Variants in CLYBL observed in about 807,000 individuals in gnomAD.
The protein encoded by CLYBL is citramalyl-CoA lyase, also known as citramalyl-CoA lyase, mitochondrial.
Under a neutral mutation model 38.9 loss-of-function variants are expected in CLYBL, and 31 were observed. The ratio of observed to expected loss-of-function variants is 0.80; its 90% CI spans 0.60 to 1.08. The LOEUF (loss-of-function observed/expected upper bound fraction) is 1.08. Ranked by LOEUF, CLYBL falls within the 50% of genes least tolerant of loss-of-function variation. The pLI, the probability that CLYBL is intolerant of heterozygous loss-of-function variation, is 0.00. For missense variants in CLYBL, 434 were observed against 411.6 expected, an observed-to-expected ratio of 1.05 and a Z score of -0.47; for synonymous variants, 171 against 158.6, an observed-to-expected ratio of 1.08 and a Z score of -0.59.
At chr13:99,797,730 C>T (rs2050052733) in intron 2 of CLYBL, among the ~76,000 whole-genome samples, 2 of 152,172 alleles carry the variant, frequency 1.3e-5, no homozygotes, top group Non-Finnish European at 2.9e-5. Flanking sequence ...GCCTGTGCAA[C>T]TTGCAAACAC....
chr13:99,749,695 C>T (rs2139631081), intron 1 of CLYBL, among the ~76,000 whole-genome samples: 2 of 152,304 alleles, frequency 1.3e-5, no homozygotes, highest in Non-Finnish European at 2.9e-5. Context: ...TCTTCTCGGC[C>T]TTCCTGAAGC....
intron 2 of CLYBL, among the ~76,000 whole-genome samples, chr13:99,805,455 G>A (rs1035213361): frequency 3.3e-5 from 5 of 151,934 alleles, no homozygotes; most frequent in Non-Finnish European, 5.9e-5. Context: ...TGGAAGTCAC[G>A]GATAAAAACA....
chr13:99,638,431 T>C (rs2047052344), intron 1 of CLYBL, among the ~76,000 whole-genome samples: 1 of 152,250 alleles, frequency 6.6e-6, no homozygotes, highest in South Asian at 2.1e-4. Context: ...ACACACAATA[T>C]ATGTGTGCCT....
chr13:99,661,502 T>C (rs1211666821), intron 1 of CLYBL, among the ~76,000 whole-genome samples: 1 of 152,230 alleles, frequency 6.6e-6, no homozygotes, highest in Non-Finnish European at 1.5e-5. Flanking sequence ...TAAACCTGTA[T>C]ATTTATTTTT....
At chr13:99,813,265 A>C (rs1566337492) in intron 2 of CLYBL, among the ~76,000 whole-genome samples, 1 of 152,222 alleles carries the variant, frequency 6.6e-6, no homozygotes, top group Non-Finnish European at 1.5e-5. Context: ...GAATGCAAAC[A>C]TGAGTATCTA....
chr13:99,676,186 GTCCTTCCTTCCTTCCTTCCT>G (rs35403713), intron 1 of CLYBL, among the ~76,000 whole-genome samples: 2,942 of 133,070 alleles, frequency 0.022, 55 homozygotes, highest in Middle Eastern at 0.095. Context: ...CCCTCCGTCC[GTCCTTCCTTCCTTCCTTCCT>G]TCCTTCCTTC....
chr13:99,839,340 C>CACTT (rs1226387323), intron 2 of CLYBL, among the ~76,000 whole-genome samples: 1 of 152,220 alleles, frequency 6.6e-6, no homozygotes, highest in Non-Finnish European at 1.5e-5. Context: ...ATACGGACCA[C>CACTT]ACTTACATAT....
At chr13:99,741,707 C>A (rs1015379393) in intron 1 of CLYBL, among the ~76,000 whole-genome samples, 2 of 152,184 alleles carry the variant, frequency 1.3e-5, no homozygotes, top group Admixed American at 1.3e-4. Flanking sequence ...GAACTCCTGA[C>A]CTCAGGTGAT....
downstream of CLYBL, among the ~76,000 whole-genome samples, chr13:99,899,409 C>T (rs1272761253): frequency 6.6e-6 from 1 of 152,108 alleles, no homozygotes; most frequent in Admixed American, 6.5e-5. Context: ...CATCTTGCAC[C>T]GTAGACTCTG....
chr13:99,891,700 G>T, intron 8 of CLYBL: 1 of 295,590 alleles, frequency 3.4e-6, no homozygotes, highest in Non-Finnish European at 6.3e-6. Flanking sequence ...GGAAAGATGG[G>T]CTGTGAGGCG....
At chr13:99,871,268 C>T (rs2051888656) in intron 7 of CLYBL, among the ~76,000 whole-genome samples, 1 of 152,136 alleles carries the variant, frequency 6.6e-6, no homozygotes, top group Non-Finnish European at 1.5e-5. Flanking sequence ...CTAACTGGCT[C>T]TCAAGTCCCT....
At chr13:99,824,257 G>GCACCCCCC (rs66867477) in intron 2 of CLYBL, among the ~76,000 whole-genome samples, 1 of 130,414 alleles carries the variant, frequency 7.7e-6, no homozygotes, top group African/African-American at 2.9e-5. Context: ...CTGACTAATA[G>GCACCCCCC]CCCCCCCCAC....
Position 99,606,700 on chromosome 13 carries a change from C to T in CLYBL, c.5C>T (p.Ala2Val), listed in dbSNP as rs756685660. The change falls in exon 1 of 9, where the codon GCG becomes GTG. Residue 2 changes from alanine (A) to valine (V), a missense_variant. Ala to Val is a moderately conservative substitution (Grantham distance 64). Coordinates refer to ENST00000339105, the MANE Select transcript of CLYBL (RefSeq NM_206808.5). ...CGGGGCGCGCGCGTCGGGAAGATGG[C>T]GCTACGTCTGCTGCGGAGGGCGGCG... M[A>V]LRLLRRAARG... 6 of 1,490,304 alleles carry T rather than the reference C, an allele frequency of 4.0e-6. No homozygotes were observed. The highest frequency in any genetic ancestry group is 4.4e-5 in the Admixed American group (2 of 45,778). 92.3% of individuals were successfully genotyped at this position (1,490,304 alleles called of 1,614,324 possible). A position where few individuals can be genotyped will look rare whatever the true frequency, so the allele number is the denominator to read the frequency against.
intron 1 of CLYBL, among the ~76,000 whole-genome samples, chr13:99,666,377 C>G (rs1168072993): frequency 6.6e-6 from 1 of 152,160 alleles, no homozygotes; most frequent in Admixed American, 6.5e-5. Context: ...ATGGGGATGA[C>G]TCGGTGGGTG....
intron 1 of CLYBL, among the ~76,000 whole-genome samples, chr13:99,712,875 G>T (rs937864326): frequency 1.3e-5 from 2 of 151,938 alleles, no homozygotes; most frequent in African/African-American, 4.8e-5. Flanking sequence ...TTTGTACTCT[G>T]TATTTCCAGT....
chr13:99,706,962 C>G (rs2048156100), intron 1 of CLYBL, among the ~76,000 whole-genome samples: 1 of 152,122 alleles, frequency 6.6e-6, no homozygotes, highest in Non-Finnish European at 1.5e-5. Context: ...TGCCACCAAG[C>G]CCAGCGAATT....
intron 2 of CLYBL, among the ~76,000 whole-genome samples, chr13:99,850,477 G>A (rs2051305578): frequency 6.6e-6 from 1 of 152,192 alleles, no homozygotes; most frequent in Non-Finnish European, 1.5e-5. Context: ...ACACCACTAG[G>A]ATGGCTGTGA....
At chr13:99,774,101 C>T (rs919427743) in intron 2 of CLYBL, among the ~76,000 whole-genome samples, 1 of 151,712 alleles carries the variant, frequency 6.6e-6, no homozygotes, top group Admixed American at 6.6e-5. Context: ...GGTGTGGCGG[C>T]GTGTACCTGT....
intron 7 of CLYBL, among the ~76,000 whole-genome samples, chr13:99,885,357 G>A (rs944088217): frequency 6.6e-6 from 1 of 152,180 alleles, no homozygotes; most frequent in African/African-American, 2.4e-5. Flanking sequence ...GCATGCGGCA[G>A]AGCTGCAGCG....
Sources: gnomAD v4.1 joint callset for allele counts (sites outside exome capture counted in the v4.1 genomes callset) on GRCh38, gnomAD v4.1.1 for gene constraint, MANE v1.5 for transcripts, NCBI Gene and HGNC (gene_info 2026-07-23, HGNC 2026-07-21) for gene names.